UQCC1: variants seen among roughly 807,000 people sequenced by gnomAD.
UQCC1 encodes bFGF-repressed Zic-binding protein.
UQCC1 carries 38 observed loss-of-function variants against 48.0 expected under a neutral mutation model. The ratio of observed to expected loss-of-function variants is 0.79; its 90% CI spans 0.61 to 1.04. The LOEUF (loss-of-function observed/expected upper bound fraction) is 1.04, where lower values mean the gene tolerates loss of function less well. Among genes scored for constraint, UQCC1 ranks in the 50% least tolerant of loss-of-function variants. The pLI is 0.00. For missense variants in UQCC1, 368 were observed against 381.8 expected (o/e 0.96, Z 0.30); for synonymous variants, 111 against 129.2 (o/e 0.86, Z 0.95).
At chr20:35,305,510 G>A (rs944669079) in intron 9 of UQCC1, among the ~76,000 whole-genome samples, 10 of 152,370 alleles carry the variant, frequency 6.6e-5, no homozygotes, top group East Asian at 1.9e-4. Context: ...TGCTACTCCC[G>A]TCTGAGGGTG....
At chr20:35,335,975 G>T (rs950045067) in intron 7 of UQCC1, among the ~76,000 whole-genome samples, 1 of 152,168 alleles carries the variant, frequency 6.6e-6, no homozygotes, top group African/African-American at 2.4e-5. Flanking sequence ...TCCAAGATCA[G>T]TGTGGGCAGC....
Position 35,384,072 on chromosome 20 carries a change from A to G in UQCC1, c.191T>C (p.Ile64Thr). 6.2e-7 allele frequency: 1 copy of G among 1,613,020 alleles called. No individual in the cohort carries two copies. Among genetic ancestry groups the G allele is most frequent in the South Asian group, 1.1e-5 (1 of 91,074 alleles). Residue 64 changes from isoleucine (I) to threonine (T), a missense_variant, in exon 3 of 10, where the codon ATA becomes ACA. By Grantham distance (89) the Ile-to-Thr change is moderately conservative (BLOSUM62 -1). Transcript: ENST00000374385. ...GGTGTGATACTTCCTATTCAGCTGT[A>G]TGTCTATTCCAGGAATCTGTTCTGA... ...GGSEQIPGID[I>T]QLNRKYHTTR...
intron 7 of UQCC1, among the ~76,000 whole-genome samples, chr20:35,331,992 G>A (rs752545193): frequency 3.5e-4 from 54 of 152,250 alleles, no homozygotes; most frequent in Non-Finnish European, 6.6e-4. Context: ...TGGAGACAAT[G>A]AGAGGTAAAG....
At chr20:35,340,538 G>T (rs762385300) in intron 7 of UQCC1, among the ~76,000 whole-genome samples, 59 of 152,270 alleles carry the variant, frequency 3.9e-4, no homozygotes, top group Admixed American at 7.2e-4. Context: ...AAGCTGGAGT[G>T]TAACACTGTG....
At chr20:35,394,586 A>G (rs760429965) in intron 1 of UQCC1, among the ~76,000 whole-genome samples, 2 of 152,138 alleles carry the variant, frequency 1.3e-5, no homozygotes, top group East Asian at 3.9e-4. Context: ...CATGCCAACA[A>G]TAAGCCTCCA....
intron 6 of UQCC1, among the ~76,000 whole-genome samples, chr20:35,355,618 T>C (rs2061538091): frequency 6.6e-6 from 1 of 152,206 alleles, no homozygotes; most frequent in South Asian, 2.1e-4. Flanking sequence ...CACCTGACCT[T>C]GAAGCCTATC....
rs1457947926 is a variant in UQCC1, at chr20:35,306,794, A to G, written c.652-15T>C. 6.3e-7 allele frequency: 1 copy of G among 1,595,730 alleles called. No individual in the cohort carries two copies. Among genetic ancestry groups the G allele is most frequent in the African/African-American group, 1.3e-5 (1 of 74,672 alleles). ...GAAAGGATCCCCTGGAACATACAGC[A>G]CAGCAGTGGTCTCCTGAGGGATCCA... On this transcript the variant is annotated splice_polypyrimidine_tract_variant and intron_variant, in intron 8 of 9. Transcript: ENST00000374385.
intron 7 of UQCC1, among the ~76,000 whole-genome samples, chr20:35,315,923 ATT>A (rs2061052759): frequency 6.6e-6 from 1 of 152,076 alleles, no homozygotes; most frequent in Non-Finnish European, 1.5e-5. Context: ...TAGAAATGCA[ATT>A]CTGGTGAGAT....
At chr20:35,373,109 G>A (rs1354063336) in intron 5 of UQCC1, among the ~76,000 whole-genome samples, 1 of 152,104 alleles carries the variant, frequency 6.6e-6, no homozygotes, top group Non-Finnish European at 1.5e-5. Flanking sequence ...CCAATTACAA[G>A]TACCTGCTTT....
chr20:35,323,968 C>A (rs995436780), intron 7 of UQCC1, among the ~76,000 whole-genome samples: 2 of 152,184 alleles, frequency 1.3e-5, no homozygotes, highest in African/African-American at 4.8e-5. Flanking sequence ...AGTTGGATCA[C>A]CCTTGGCAGG....
At position 35,400,937 on chromosome 20, in the gene UQCC1, C is replaced by T. The variant is rs1010255075; in HGVS notation, c.25-6741G>A. Among the ~76,000 whole-genome samples the T allele has an allele frequency of 1.8e-4, 28 of 152,288 alleles. 1 individual carries two copies. The highest frequency in any genetic ancestry group is 6.5e-4 in the African/African-American group (27 of 41,566). ...ACCCTTTAATCAGTCCACTGACAGGCCTGTTTCTGCATGTGGTTTTTTAAG... is the reference window on the plus strand; with the variant it reads ...ACCCTTTAATCAGTCCACTGACAGGTCTGTTTCTGCATGTGGTTTTTTAAG... On this transcript the variant is annotated intron_variant, in intron 1 of 9. Coordinates refer to ENST00000374385, the MANE Select transcript of UQCC1 (RefSeq NM_018244.5).
Position 35,395,980 on chromosome 20 carries a change from CTT to C in UQCC1, c.25-1786_25-1785del, listed in dbSNP as rs1000858624. Among the ~76,000 whole-genome samples the C allele has an allele frequency of 4.3e-3, 431 of 99,194 alleles. 1 individual carries two copies. The highest frequency in any genetic ancestry group is 0.014 in the African/African-American group (381 of 27,254). 65.1% of individuals were successfully genotyped at this position (99,194 alleles called of 152,430 possible). A position where few individuals can be genotyped will look rare whatever the true frequency, so the allele number is the denominator to read the frequency against. On this transcript the variant is annotated intron_variant, in intron 1 of 9. Coordinates refer to ENST00000374385, the MANE Select transcript of UQCC1 (RefSeq NM_018244.5). ...TAATTCAAATTACGGTTTGCAATGT[CTT>C]TTTTTTTTTTTTTTTTTTTTGAGGC...
chr20:35,315,668 C>A (rs762904399), intron 7 of UQCC1, among the ~76,000 whole-genome samples: 3 of 152,168 alleles, frequency 2.0e-5, no homozygotes, highest in Non-Finnish European at 1.5e-5. Flanking sequence ...GCAGGCAGAT[C>A]GCTTGAGCCC....
chr20:35,338,913 A>ATATATG lies in UQCC1; in HGVS notation c.573+8250_573+8251insCATATA, dbSNP rs1183937195. On this transcript the variant is annotated intron_variant, in intron 7 of 9. Coordinates refer to ENST00000374385, the MANE Select transcript of UQCC1 (RefSeq NM_018244.5). ...AAAAAATATATATATATATATGGAG[A>ATATATG]GATTTTTCAAAATGCATATACCTGA... 9.3e-3 allele frequency among the ~76,000 whole-genome samples: 515 copies of ATATATG among 55,590 alleles called. 76 individuals are homozygous for ATATATG. The highest frequency in any genetic ancestry group is 0.03 in the East Asian group (84 of 2,792). The allele number at this position is 55,590 out of a possible 152,430, so 36.5% of individuals were successfully genotyped here.
rs550351664 is a variant in UQCC1 at position 35,368,072 on chromosome 20, A to G, written c.407-1458T>C. Among the ~76,000 whole-genome samples the G allele has an allele frequency of 9.1e-4, 139 of 152,328 alleles. 2 individuals carry two copies. Among genetic ancestry groups the G allele is most frequent in the South Asian group, 7.3e-3 (35 of 4,826 alleles). ...AGCAAGAGGAAGATGCAAAAAGAGA[A>G]TAAGTGGGGAATTTGGGCCCTTATG... is the stretch of plus-strand genomic sequence containing the variant. On this transcript the variant is annotated intron_variant, in intron 5 of 9. Transcript: ENST00000374385.
intron 2 of UQCC1, 134 bp from the exon 3 acceptor site, chr20:35,384,267 G>C: frequency 4.5e-6 from 3 of 672,448 alleles, no homozygotes; most frequent in Non-Finnish European, 7.5e-6. Context: ...AGCTCACCAG[G>C]AAGACCCAAG....
intron 7 of UQCC1, among the ~76,000 whole-genome samples, chr20:35,338,616 C>T (rs978169115): frequency 2.6e-5 from 4 of 151,240 alleles, no homozygotes; most frequent in African/African-American, 7.3e-5. Context: ...GGAGGCCGAG[C>T]GGGTGGATCA....
At chr20:35,411,256 G>C (rs974554476) in intron 1 of UQCC1, among the ~76,000 whole-genome samples, 1 of 152,120 alleles carries the variant, frequency 6.6e-6, no homozygotes, top group Non-Finnish European at 1.5e-5. Flanking sequence ...ATCTCAAGAG[G>C]TGCAGTAGTT....
rs1372405005 is a variant in UQCC1, at chr20:35,394,071, CA to C, written c.129+20del. Reference sequence around the variant, plus strand: ...TAAACACTAAGGTTTTCATACTAAGCAAAAGAACAACAAATCTTACCTGGGA... The same window carrying C: ...TAAACACTAAGGTTTTCATACTAAGCAAAGAACAACAAATCTTACCTGGGA... On this transcript the variant is annotated intron_variant, in intron 2 of 9. Coordinates refer to ENST00000374385, the MANE Select transcript of UQCC1 (RefSeq NM_018244.5). The C allele has an allele frequency of 3.1e-6, 5 of 1,603,538 alleles. No individual in the cohort carries two copies. In the East Asian group the frequency reaches 1.1e-4, roughly 36 times the overall value.
Sources: gnomAD v4.1 joint callset for allele counts (sites outside exome capture counted in the v4.1 genomes callset) on GRCh38, gnomAD v4.1.1 for gene constraint, MANE v1.5 for transcripts, NCBI Gene and HGNC (gene_info 2026-07-23, HGNC 2026-07-21) for gene names.